The following CCNI variants were observed in gnomAD, a reference collection of about 807,000 sequenced individuals.
CCNI encodes cyclin I, also known as cyclin-I.
A neutral mutation model predicts 34.1 loss-of-function variants in CCNI; 14 were observed. That is an observed-to-expected ratio of 0.41 (90% CI 0.27 to 0.64). The LOEUF (loss-of-function observed/expected upper bound fraction) is 0.64, where lower values mean the gene tolerates loss of function less well. CCNI is among the 30% of genes least tolerant of loss of function. CCNI has a pLI of 0.31. For missense variants in CCNI, 385 were observed against 440.5 expected (o/e 0.87, Z 1.13); for synonymous variants, 154 against 158.4 (o/e 0.97, Z 0.21).
At chr4:77,062,005 C>T (rs1728639915) in intron 2 of CCNI, among the ~76,000 whole-genome samples, 1 of 152,166 alleles carries the variant, frequency 6.6e-6, no homozygotes, top group Admixed American at 6.5e-5. Context: ...TCTTCCATCA[C>T]TTTCTGTCTT....
chr4:77,070,749 G>C (rs1279234633), intron 1 of CCNI, among the ~76,000 whole-genome samples: 1 of 152,048 alleles, frequency 6.6e-6, no homozygotes, highest in Non-Finnish European at 1.5e-5. Flanking sequence ...CCAACACTTT[G>C]GGAGGCCAAG....
chr4:77,074,606 G>C (rs922852489), intron 1 of CCNI, among the ~76,000 whole-genome samples: 3 of 152,124 alleles, frequency 2.0e-5, no homozygotes, highest in Admixed American at 6.5e-5. Flanking sequence ...TACCAGCCTT[G>C]GGGGGATTAA....
At chr4:77,075,049 T>G (rs980440647) in intron 1 of CCNI, 3 of 147,002 alleles carry the variant, frequency 2.0e-5, no homozygotes, top group Non-Finnish European at 4.5e-5. Context: ...GCATTCAGTC[T>G]GCCGTGCAAA....
At position 77,061,719 on chromosome 4, in the gene CCNI, G is replaced by C. The variant is rs4252851; in HGVS notation, c.115-3084C>G. On this transcript the variant is annotated intron_variant, in intron 2 of 6. Transcript: ENST00000237654. ...CAGTCTTGCTCTGTCACCCAGGCTG[G>C]AGTGCAGTGGCGCAATCTTGGCTAA... is the stretch of plus-strand genomic sequence containing the variant. Among the ~76,000 whole-genome samples, 960 of 152,184 alleles carry C rather than the reference G, an allele frequency of 6.3e-3. 15 individuals are homozygous for C. The highest frequency in any genetic ancestry group is 0.022 in the African/African-American group (912 of 41,526).
intron 1 of CCNI, chr4:77,074,713 G>A (rs549994010): frequency 6.6e-6 from 1 of 152,306 alleles, no homozygotes; most frequent in African/African-American, 2.4e-5. Context: ...GCTGCTCTAA[G>A]TCGAGTGGCT....
chr4:77,069,964 G>C (rs897074918), intron 1 of CCNI, among the ~76,000 whole-genome samples: 1 of 150,218 alleles, frequency 6.7e-6, no homozygotes, highest in Non-Finnish European at 1.5e-5. Context: ...ACGATATTTT[G>C]CCTCTTCTAA....
intron 1 of CCNI, among the ~76,000 whole-genome samples, chr4:77,068,207 T>G (rs1027119566): frequency 1.1e-4 from 17 of 151,862 alleles, no homozygotes; most frequent in Non-Finnish European, 1.8e-4. Context: ...CAAAAAAGAA[T>G]GTGAAAAGGC....
chr4:77,070,558 T>C (rs892792704), intron 1 of CCNI, among the ~76,000 whole-genome samples: 26 of 151,954 alleles, frequency 1.7e-4, no homozygotes, highest in African/African-American at 6.0e-4. Flanking sequence ...CATCCTGTTA[T>C]ATTCTATCCC....
chr4:77,068,721 C>G (rs1210292693), intron 1 of CCNI, among the ~76,000 whole-genome samples: 1 of 150,646 alleles, frequency 6.6e-6, no homozygotes. Context: ...CCAGAATTAA[C>G]ATGTAAAAAG....
At chr4:77,066,187 T>C (rs1482132509) in intron 2 of CCNI, 62 bp downstream of exon 2, 7 of 1,291,074 alleles carry the variant, frequency 5.4e-6, no homozygotes, top group South Asian at 1.2e-5. Context: ...GATATTATTA[T>C]GTATGGCAGT....
intron 2 of CCNI, among the ~76,000 whole-genome samples, chr4:77,060,928 T>C (rs1728560651): frequency 7.4e-6 from 1 of 135,684 alleles, no homozygotes. Context: ...CCCGGCCTAA[T>C]TTTACTTTTT....
At chr4:77,056,406 A>G (rs942752092) in intron 3 of CCNI, 83 bp from the exon 4 acceptor site, 2 of 946,504 alleles carry the variant, frequency 2.1e-6, no homozygotes, top group African/African-American at 3.3e-5. Flanking sequence ...AAAAACCTAG[A>G]TATGCAGATG....
At position 77,050,999 on chromosome 4, in the gene CCNI, AAAT is replaced by A. The variant is rs536961070; in HGVS notation, c.691-2340_691-2338del. 9.5e-4 allele frequency among the ~76,000 whole-genome samples: 144 copies of A among 152,308 alleles called. 4 individuals are homozygous for A. The South Asian group carries it at 0.029, about 31-fold the overall frequency. ...CCAACATGCTCAAGTCTCTTATATAAAATAATGTAGTATTTGCATATAACCCAC... is the reference window on the plus strand; with the variant it reads ...CCAACATGCTCAAGTCTCTTATATAAAATGTAGTATTTGCATATAACCCAC... On this transcript the variant is annotated intron_variant, in intron 6 of 6. Transcript: ENST00000237654.
rs1489767577 is a variant in CCNI, at chr4:77,066,406, C to T, written c.-43-1G>A. On this transcript the variant is annotated splice_acceptor_variant, in intron 1 of 6. Coordinates refer to ENST00000237654, the MANE Select transcript of CCNI (RefSeq NM_006835.3). LOFTEE classifies it low-confidence loss of function (5UTR_SPLICE). ...CTGCTACCCAGCTTGCTGTAGCTAC[C>T]TACAGAATCAAGTAAGTTTTAAAAT... The T allele has an allele frequency of 6.2e-7, 1 of 1,607,894 alleles. No homozygotes were observed. Among genetic ancestry groups the T allele is most frequent in the Non-Finnish European group, 8.5e-7 (1 of 1,177,860 alleles).
chr4:77,062,096 A>G (rs1170416970), intron 2 of CCNI, among the ~76,000 whole-genome samples: 1 of 150,544 alleles, frequency 6.6e-6, no homozygotes, highest in Non-Finnish European at 1.5e-5. Flanking sequence ...CTTTGTTCAT[A>G]TTGCTCCTAC....
rs1337733711 is a variant in CCNI at position 77,055,880 on chromosome 4, TA to T, written c.459+81del. 3 of 1,183,682 alleles carry T rather than the reference TA, an allele frequency of 2.5e-6. No homozygotes were observed. In the East Asian group the frequency reaches 7.1e-5, roughly 28 times the overall value. 73.3% of individuals were successfully genotyped at this position (1,183,682 alleles called of 1,614,324 possible). A position where few individuals can be genotyped will look rare whatever the true frequency, so the allele number is the denominator to read the frequency against. ...TCTTTTTCCTATTTCCAGTACAAAA[TA>T]AATGAGTAGGCAATCTATTTTTTAA... is the stretch of plus-strand genomic sequence containing the variant. On this transcript the variant is annotated intron_variant, in intron 5 of 6. Transcript: ENST00000237654.
chr4:77,048,381 T>A lies in CCNI; in HGVS notation c.972A>T (p.Lys324Asn). 1 of 1,613,790 alleles carries A rather than the reference T, an allele frequency of 6.2e-7. No homozygotes were observed. Among genetic ancestry groups the A allele is most frequent in the Non-Finnish European group, 8.5e-7 (1 of 1,179,886 alleles). Residue 324 changes from lysine to asparagine, a missense_variant, in exon 7 of 7, where the codon AAA becomes AAT. By Grantham distance (94) the Lys-to-Asn change is moderately conservative. Coordinates refer to ENST00000237654, the MANE Select transcript of CCNI (RefSeq NM_006835.3). Reference protein sequence around the residue: ...SGCKQTSTKRKVEEMEVDDFY... With the variant: ...SGCKQTSTKRNVEEMEVDDFY... Reference sequence around the variant, plus strand: ...AGTCATCCACTTCCATTTCCTCTACTTTGCGTTTAGTAGAGGTCTGCTTGC... The same window carrying A: ...AGTCATCCACTTCCATTTCCTCTACATTGCGTTTAGTAGAGGTCTGCTTGC...
intron 6 of CCNI, among the ~76,000 whole-genome samples, chr4:77,049,284 G>A (rs1176503763): frequency 1.3e-5 from 2 of 152,018 alleles, no homozygotes; most frequent in East Asian, 3.8e-4. Context: ...TTACCCTTCA[G>A]GACAATTCAC....
intron 2 of CCNI, among the ~76,000 whole-genome samples, chr4:77,065,641 T>C (rs555825582): frequency 2.6e-5 from 4 of 152,224 alleles, no homozygotes; most frequent in Non-Finnish European, 4.4e-5. Flanking sequence ...CTATAAACTA[T>C]ATATCTAAAG....
Sources: gnomAD v4.1 joint callset for allele counts (sites outside exome capture counted in the v4.1 genomes callset) on GRCh38, gnomAD v4.1.1 for gene constraint, MANE v1.5 for transcripts, NCBI Gene and HGNC (gene_info 2026-07-23, HGNC 2026-07-21) for gene names.